Variants in DPP10 observed in about 807,000 individuals in gnomAD.
DPP10 encodes the protein inactive dipeptidyl peptidase 10.
DPP10 carries 33 observed loss-of-function variants against 120.9 expected under a neutral mutation model. That is an observed-to-expected ratio of 0.27 (90% CI 0.21 to 0.37). The LOEUF is 0.37. Among genes scored for constraint, DPP10 ranks in the 10% least tolerant of loss-of-function variants. DPP10 has a pLI of 1.00. For synonymous variants in DPP10, 337 were observed against 326.1 expected (o/e 1.03, Z -0.36); for missense variants, 816 against 942.8 (o/e 0.87, Z 1.76).
intron 1 of DPP10, among the ~76,000 whole-genome samples, chr2:114,744,726 G>T (rs1444075152): frequency 6.6e-6 from 1 of 152,142 alleles, no homozygotes; most frequent in Non-Finnish European, 1.5e-5. Context: ...TAAGGGCAGA[G>T]ATGAGAACCT....
At chr2:115,371,419 C>A (rs73946533) in intron 3 of DPP10, among the ~76,000 whole-genome samples, 1 of 152,118 alleles carries the variant, frequency 6.6e-6, no homozygotes, top group Non-Finnish European at 1.5e-5. Flanking sequence ...CAATAAAATA[C>A]GTGAACTTGA....
At chr2:115,783,642 C>A (rs1387547577) in intron 17 of DPP10, among the ~76,000 whole-genome samples, 1 of 152,032 alleles carries the variant, frequency 6.6e-6, no homozygotes, top group Non-Finnish European at 1.5e-5. Context: ...CTATTTATTT[C>A]ATTATTTCCG....
intron 1 of DPP10, among the ~76,000 whole-genome samples, chr2:115,157,383 TA>T (rs2051993151): frequency 6.6e-6 from 1 of 152,048 alleles, no homozygotes; most frequent in East Asian, 1.9e-4. Context: ...CCAGAGATCA[TA>T]ATTGGGCTAT....
At chr2:114,603,720 A>G (rs1692558517) in intron 1 of DPP10, among the ~76,000 whole-genome samples, 1 of 152,022 alleles carries the variant, frequency 6.6e-6, no homozygotes, top group Non-Finnish European at 1.5e-5. Context: ...TTTCCTGGCA[A>G]AGTCCCAGTA....
chr2:115,019,508 G>T (rs1702913351), intron 1 of DPP10, among the ~76,000 whole-genome samples: 1 of 152,072 alleles, frequency 6.6e-6, no homozygotes, highest in South Asian at 2.1e-4. Flanking sequence ...AGGCCTTCAA[G>T]AAGTTTGGGA....
chr2:114,936,514 C>T (rs1225638434), intron 1 of DPP10, among the ~76,000 whole-genome samples: 2 of 151,546 alleles, frequency 1.3e-5, no homozygotes, highest in African/African-American at 4.9e-5. Flanking sequence ...TGGGCTGGTT[C>T]CACATTTTTA....
At chr2:115,375,343 C>G (rs973704226) in intron 3 of DPP10, among the ~76,000 whole-genome samples, 6 of 152,164 alleles carry the variant, frequency 3.9e-5, no homozygotes, top group Non-Finnish European at 5.9e-5. Context: ...CAAGAGTGAC[C>G]TTTGCTCCAG....
chr2:115,331,846 T>C (rs904343356), intron 2 of DPP10, among the ~76,000 whole-genome samples: 2 of 152,146 alleles, frequency 1.3e-5, no homozygotes, highest in African/African-American at 4.8e-5. Context: ...TGAGGATTTT[T>C]GCATCAATGT....
At chr2:114,763,377 C>T (rs756050019) in intron 1 of DPP10, among the ~76,000 whole-genome samples, 36 of 152,150 alleles carry the variant, frequency 2.4e-4, no homozygotes, top group Non-Finnish European at 1.0e-4. Flanking sequence ...CTTCAGCGGG[C>T]GCTAACACTG....
intron 1 of DPP10, among the ~76,000 whole-genome samples, chr2:114,971,545 T>G (rs1055193665): frequency 1.3e-5 from 2 of 152,180 alleles, no homozygotes; most frequent in African/African-American, 4.8e-5. Flanking sequence ...CACACAGAGA[T>G]GTAAATGGGT....
At chr2:115,694,748 G>T (rs1035265365) in intron 7 of DPP10, among the ~76,000 whole-genome samples, 1 of 152,134 alleles carries the variant, frequency 6.6e-6, no homozygotes, top group Non-Finnish European at 1.5e-5. Flanking sequence ...TTTATGGGAA[G>T]GCTTGAATGG....
chr2:115,601,631 T>A (rs184253992), intron 5 of DPP10, among the ~76,000 whole-genome samples: 1 of 152,298 alleles, frequency 6.6e-6, no homozygotes, highest in Admixed American at 6.5e-5. Context: ...GGATGTGGAT[T>A]TAGAAGGTCT....
intron 1 of DPP10, among the ~76,000 whole-genome samples, chr2:114,485,780 C>T (rs146549522): frequency 6.6e-6 from 1 of 152,086 alleles, no homozygotes; most frequent in African/African-American, 2.4e-5. Flanking sequence ...TTACTAAACT[C>T]TCAATCCTAC....
At chr2:115,270,777 G>A (rs536284327) in intron 1 of DPP10, among the ~76,000 whole-genome samples, 1 of 152,322 alleles carries the variant, frequency 6.6e-6, no homozygotes, top group South Asian at 2.1e-4. Flanking sequence ...ATTTCAAAAT[G>A]AGACAAGATT....
At chr2:114,647,356 A>G (rs1018345523) in intron 1 of DPP10, among the ~76,000 whole-genome samples, 1 of 152,132 alleles carries the variant, frequency 6.6e-6, no homozygotes, top group Non-Finnish European at 1.5e-5. Context: ...TAATAAGCAC[A>G]TCTTTATACT....
chr2:115,528,497 C>G (rs1322973412), intron 5 of DPP10, among the ~76,000 whole-genome samples: 1 of 151,310 alleles, frequency 6.6e-6, no homozygotes, highest in Non-Finnish European at 1.5e-5. Flanking sequence ...TTAAATTTCA[C>G]TGGACAATTC....
intron 3 of DPP10, among the ~76,000 whole-genome samples, chr2:115,442,361 GTT>G (rs2072152133): frequency 7.2e-6 from 1 of 138,326 alleles, no homozygotes; most frequent in Non-Finnish European, 1.5e-5. Flanking sequence ...GTGTGTGTGT[GTT>G]TGTGTGTGTG....
chr2:115,514,751 A>G (rs1242371773), intron 4 of DPP10, among the ~76,000 whole-genome samples: 1 of 151,776 alleles, frequency 6.6e-6, no homozygotes, highest in Non-Finnish European at 1.5e-5. Flanking sequence ...TAGAGATAAA[A>G]CATTTTCATC....
intron 1 of DPP10, among the ~76,000 whole-genome samples, chr2:114,579,905 G>A (rs1690359655): frequency 1.3e-5 from 2 of 152,224 alleles, no homozygotes; most frequent in South Asian, 4.1e-4. Flanking sequence ...TGAGAAATAG[G>A]GATGACAAGG....
Sources: gnomAD v4.1 joint callset for allele counts (sites outside exome capture counted in the v4.1 genomes callset) on GRCh38, gnomAD v4.1.1 for gene constraint, MANE v1.5 for transcripts, NCBI Gene and HGNC (gene_info 2026-07-23, HGNC 2026-07-21) for gene names.